ITPR1: variants seen among roughly 807,000 people sequenced by gnomAD.
ITPR1 encodes the protein inositol 1,4,5-trisphosphate receptor type 1.
Under a neutral mutation model 318.4 loss-of-function variants are expected in ITPR1, and 96 were observed. The observed-to-expected ratio is 0.30, with a 90% CI of 0.26 to 0.36. The LOEUF (loss-of-function observed/expected upper bound fraction) is 0.36. Ranked by LOEUF, ITPR1 falls within the 10% of genes least tolerant of loss-of-function variation. ITPR1 has a pLI of 1.00. For synonymous variants in ITPR1, 1,312 were observed against 1,289.9 expected, an observed-to-expected ratio of 1.02 and a Z score of -0.37; for missense variants, 2,440 against 3,460.2, an observed-to-expected ratio of 0.71 and a Z score of 7.40.
At chr3:4,583,883 A>C (rs1330065785) in intron 4 of ITPR1, among the ~76,000 whole-genome samples, 3 of 152,232 alleles carry the variant, frequency 2.0e-5, no homozygotes, top group African/African-American at 7.2e-5. Context: ...CACATCAGAT[A>C]CATAGTTCAA....
In ITPR1 at chr3:4,652,465, C is replaced by T. The variant is rs1490989217; in HGVS notation, c.951+247C>T. 7.9e-5 allele frequency among the ~76,000 whole-genome samples: 12 copies of T among 152,148 alleles called. No homozygotes were observed. In the East Asian group the frequency reaches 9.7e-4, roughly 12 times the overall value. ...GAGAAAGTAAGTTAGAAGATCATGC[C>T]GATCTAGGTTTTCGGTATTATTTTC... On this transcript the variant is annotated intron_variant, in intron 11 of 61. Coordinates refer to ENST00000649015, the MANE Select transcript of ITPR1 (RefSeq NM_001378452.1).
chr3:4,580,948 C>T (rs1477350295), intron 4 of ITPR1, among the ~76,000 whole-genome samples: 1 of 152,124 alleles, frequency 6.6e-6, no homozygotes, highest in Non-Finnish European at 1.5e-5. Context: ...ATACCAATCA[C>T]GTTAGGTGCC....
At chr3:4,789,125 C>T (rs1185694856) in intron 52 of ITPR1, among the ~76,000 whole-genome samples, 1 of 152,198 alleles carries the variant, frequency 6.6e-6, no homozygotes, top group South Asian at 2.1e-4. Flanking sequence ...TCACTTCCAG[C>T]CCCGCTGTAC....
intron 55 of ITPR1, among the ~76,000 whole-genome samples, chr3:4,808,475 ACT>A (rs901814119): frequency 4.2e-4 from 64 of 152,332 alleles, no homozygotes; most frequent in African/African-American, 1.5e-3. Context: ...GATAAGAGTA[ACT>A]CTCAGCTTCT....
intron 4 of ITPR1, among the ~76,000 whole-genome samples, chr3:4,559,116 C>T (rs2125013473): frequency 6.6e-6 from 1 of 152,014 alleles, no homozygotes. Context: ...CCTTAGCCTC[C>T]TGAGTAGTTA....
intron 60 of ITPR1, among the ~76,000 whole-genome samples, chr3:4,819,889 T>C (rs2049570358): frequency 6.6e-6 from 1 of 152,176 alleles, no homozygotes; most frequent in Admixed American, 6.5e-5. Context: ...CTTTTACAGA[T>C]AAAAGCCAGG....
chr3:4,541,579 G>GT (rs888395332), intron 4 of ITPR1, among the ~76,000 whole-genome samples: 4 of 150,624 alleles, frequency 2.7e-5, no homozygotes, highest in African/African-American at 4.9e-5. Flanking sequence ...ATTTGAGGTT[G>GT]TTTTTTGTTA....
Position 4,800,574 on chromosome 3 carries a change from A to G in ITPR1, c.7081A>G (p.Thr2361Ala). 5 of 1,614,020 alleles carry G rather than the reference A, an allele frequency of 3.1e-6. No individual in the cohort carries two copies. Among genetic ancestry groups the G allele is most frequent in the Non-Finnish European group, 4.2e-6 (5 of 1,179,892 alleles). ...GATATTTTCAGTCGGGTTACAACCC[A>G]CGTTGTTTCTTCTGGGCGCTTTCAA... Reference protein sequence around the residue: ...RLIFSVGLQPTLFLLGAFNVC... With the variant: ...RLIFSVGLQPALFLLGAFNVC... Residue 2361 changes from threonine to alanine, a missense_variant, in exon 54 of 62, where the codon ACG (threonine) becomes GCG (alanine). By Grantham distance (58) the Thr-to-Ala change is moderately conservative. Coordinates refer to ENST00000649015, the MANE Select transcript of ITPR1 (RefSeq NM_001378452.1).
chr3:4,519,880 G>A (rs536205562), intron 3 of ITPR1, among the ~76,000 whole-genome samples: 2 of 152,238 alleles, frequency 1.3e-5, no homozygotes, highest in South Asian at 4.2e-4. Flanking sequence ...CAGTGAGGTT[G>A]GGAGGACAGA....
chr3:4,674,315 A>G lies in ITPR1; in HGVS notation c.2570A>G (p.Asp857Gly). 6.2e-7 allele frequency: 1 copy of G among 1,607,060 alleles called. No homozygotes were observed. The highest frequency in any genetic ancestry group is 8.5e-7 in the Non-Finnish European group (1 of 1,176,164). The change falls in exon 22 of 62, where the codon GAT (aspartate) becomes GGT (glycine). Residue 857 changes from aspartate (D) to glycine (G), a missense_variant. Around this residue, in one of 23 missense-constraint regions of ITPR1, gnomAD observed 478 missense variants for 696.3 expected, o/e 0.69. Transcript: ENST00000649015. ...DVVCQRFPFS[D>G]KEKNKLTFEV... ...GTTTGTCAGAGGTTCCCTTTCTCTGATAAAGAGAAGAATAAGCTTACGTTT... is the reference window on the plus strand; with the variant it reads ...GTTTGTCAGAGGTTCCCTTTCTCTGGTAAAGAGAAGAATAAGCTTACGTTT...
At chr3:4,653,788 A>G in intron 11 of ITPR1, 54 bp from the exon 12 acceptor site, 2 of 1,354,860 alleles carry the variant, frequency 1.5e-6, no homozygotes, top group Non-Finnish European at 2.1e-6. Context: ...AGTGGGGCCC[A>G]GTCCTTAAGA....
chr3:4,557,901 C>T (rs1295482360), intron 4 of ITPR1, among the ~76,000 whole-genome samples: 1 of 152,140 alleles, frequency 6.6e-6, no homozygotes. Context: ...CACTGGTATT[C>T]ATAAATTTAT....
At chr3:4,717,474 G>C in intron 40 of ITPR1, 75 bp downstream of exon 40, 1 of 1,187,712 alleles carries the variant, frequency 8.4e-7, no homozygotes, top group Non-Finnish European at 1.2e-6. Context: ...TTAGCCCTGT[G>C]ATCCTTCCTC....
At chr3:4,604,698 C>G (rs1017267855) in intron 4 of ITPR1, among the ~76,000 whole-genome samples, 1 of 152,032 alleles carries the variant, frequency 6.6e-6, no homozygotes, top group African/African-American at 2.4e-5. Context: ...AGAAGAGAAC[C>G]TAGGGGTGGA....
chr3:4,584,966 T>G (rs932851466), intron 4 of ITPR1, among the ~76,000 whole-genome samples: 7 of 152,176 alleles, frequency 4.6e-5, no homozygotes, highest in African/African-American at 1.7e-4. Flanking sequence ...AGCTTTTGAA[T>G]GTGAAACACC....
intron 12 of ITPR1, among the ~76,000 whole-genome samples, chr3:4,654,516 T>G (rs1297909457): frequency 1.3e-5 from 2 of 152,254 alleles, no homozygotes; most frequent in Admixed American, 6.5e-5. Context: ...ATTTATGGGT[T>G]GAAGAAGGCA....
chr3:4,543,140 C>T (rs911041768), intron 4 of ITPR1, among the ~76,000 whole-genome samples: 22 of 152,028 alleles, frequency 1.4e-4, no homozygotes, highest in African/African-American at 5.1e-4. Context: ...TGTGGTGGCT[C>T]ACACCTATAG....
chr3:4,800,223 C>A (rs1029519331), intron 53 of ITPR1: 2 of 534,740 alleles, frequency 3.7e-6, no homozygotes, highest in South Asian at 2.7e-5. Context: ...AACTTCCCAG[C>A]AGAAGGAGCA....
intron 16 of ITPR1, among the ~76,000 whole-genome samples, chr3:4,664,421 G>A (rs1420313413): frequency 6.6e-6 from 1 of 152,194 alleles, no homozygotes; most frequent in East Asian, 1.9e-4. Flanking sequence ...GGCCACCAAA[G>A]CTAAAAGAGA....
Sources: allele counts gnomAD v4.1 joint callset (sites outside exome capture counted in the v4.1 genomes callset), GRCh38; gene constraint gnomAD v4.1.1; regional missense constraint gnomAD v4.1.1; transcripts MANE v1.5; gene names NCBI Gene and HGNC (gene_info 2026-07-23, HGNC 2026-07-21).